Variants in CDH12 observed in about 807,000 individuals in gnomAD.
CDH12 encodes cadherin-12.
Under a neutral mutation model 74.1 loss-of-function variants are expected in CDH12, and 41 were observed. The observed-to-expected ratio is 0.55, with a 90% CI of 0.43 to 0.72. The LOEUF is 0.72. Among genes scored for constraint, CDH12 ranks in the 30% least tolerant of loss-of-function variants. The probability of loss-of-function intolerance (pLI) is 0.00; values close to 1 mark genes in which losing one functional copy is unlikely to be tolerated. For synonymous variants in CDH12, 399 were observed against 355.0 expected, an observed-to-expected ratio of 1.12 and a Z score of -1.39; for missense variants, 945 against 977.2, an observed-to-expected ratio of 0.97 and a Z score of 0.44.
At chr5:21,981,221 C>A (rs927777106) in intron 5 of CDH12, among the ~76,000 whole-genome samples, 1 of 152,098 alleles carries the variant, frequency 6.6e-6, no homozygotes, top group Non-Finnish European at 1.5e-5. Flanking sequence ...TAAAACACTA[C>A]GTGATATCTG....
chr5:22,316,727 TAAA>T (rs1738647631), intron 3 of CDH12, among the ~76,000 whole-genome samples: 1 of 152,054 alleles, frequency 6.6e-6, no homozygotes, highest in South Asian at 2.1e-4. Flanking sequence ...AACAAAATAA[TAAA>T]GAAGGATACA....
chr5:22,461,884 A>G (rs532383953), intron 2 of CDH12, among the ~76,000 whole-genome samples: 1 of 152,038 alleles, frequency 6.6e-6, no homozygotes, highest in South Asian at 2.1e-4. Context: ...AGAAAGAGTG[A>G]GGAAAAGGTA....
intron 4 of CDH12, among the ~76,000 whole-genome samples, chr5:22,153,889 A>ATATGTATAT (rs1561168560): frequency 0.023 from 946 of 41,978 alleles, 12 homozygotes; most frequent in East Asian, 0.042. Context: ...TATATATATA[A>ATATGTATAT]ATATATATAT....
intron 1 of CDH12, among the ~76,000 whole-genome samples, chr5:22,521,646 G>T (rs1476290004): frequency 6.6e-6 from 1 of 152,138 alleles, no homozygotes; most frequent in Non-Finnish European, 1.5e-5. Flanking sequence ...AGATAAGCCA[G>T]CTTTTCTGTA....
At chr5:21,943,418 T>A (rs945602255) in intron 6 of CDH12, among the ~76,000 whole-genome samples, 1 of 152,218 alleles carries the variant, frequency 6.6e-6, no homozygotes, top group African/African-American at 2.4e-5. Context: ...GGACTTTGTT[T>A]TTTTCCATGG....
intron 1 of CDH12, among the ~76,000 whole-genome samples, chr5:22,569,847 G>T (rs1357778766): frequency 1.3e-5 from 2 of 151,892 alleles, no homozygotes; most frequent in African/African-American, 4.8e-5. Context: ...CATCGAGAAG[G>T]GTTGGAATCA....
chr5:22,394,634 G>T (rs546588149), intron 3 of CDH12, among the ~76,000 whole-genome samples: 2 of 152,236 alleles, frequency 1.3e-5, no homozygotes, highest in South Asian at 4.1e-4. Context: ...TGTCTTGTTA[G>T]ATTTCAAACT....
At chr5:21,833,529 T>C (rs1749351280) in intron 8 of CDH12, among the ~76,000 whole-genome samples, 1 of 83,122 alleles carries the variant, frequency 1.2e-5, no homozygotes, top group South Asian at 3.7e-4. Flanking sequence ...TGATATGTCA[T>C]ATATTATATG....
At chr5:22,785,859 A>G (rs1359551059) in intron 1 of CDH12, among the ~76,000 whole-genome samples, 1 of 151,976 alleles carries the variant, frequency 6.6e-6, no homozygotes, top group Admixed American at 6.6e-5. Flanking sequence ...ACCCTTACAC[A>G]CTGTTTTAGG....
At chr5:22,786,908 C>T (rs1343711971) in intron 1 of CDH12, among the ~76,000 whole-genome samples, 5 of 151,746 alleles carry the variant, frequency 3.3e-5, no homozygotes, top group South Asian at 2.1e-4. Context: ...TTAATAGAAA[C>T]GGGGTTTCAC....
intron 3 of CDH12, among the ~76,000 whole-genome samples, chr5:22,285,434 T>C (rs953003693): frequency 3.3e-5 from 5 of 152,146 alleles, no homozygotes; most frequent in African/African-American, 1.2e-4. Flanking sequence ...AACTACATGG[T>C]TCTCTGTAAA....
At chr5:22,117,480 ATATATATAT>A (rs1745210570) in intron 4 of CDH12, among the ~76,000 whole-genome samples, 6 of 62,042 alleles carry the variant, frequency 9.7e-5, no homozygotes, top group South Asian at 8.7e-4. Context: ...TATATATATT[ATATATATAT>A]TATATATATA....
chr5:22,057,985 T>G (rs898669851), intron 5 of CDH12, among the ~76,000 whole-genome samples: 1 of 151,758 alleles, frequency 6.6e-6, no homozygotes, highest in African/African-American at 2.4e-5. Flanking sequence ...TTTCAAAGTT[T>G]AGTTTTCCTT....
chr5:22,118,196 A>G (rs1745284796), intron 4 of CDH12, among the ~76,000 whole-genome samples: 1 of 152,142 alleles, frequency 6.6e-6, no homozygotes, highest in African/African-American at 2.4e-5. Context: ...TTTTTACTCA[A>G]ATTCAGTCCT....
At chr5:22,049,245 C>T (rs1267629978) in intron 5 of CDH12, among the ~76,000 whole-genome samples, 1 of 152,024 alleles carries the variant, frequency 6.6e-6, no homozygotes, top group Non-Finnish European at 1.5e-5. Context: ...TTCTGATATC[C>T]AGAATTCAGC....
intron 2 of CDH12, among the ~76,000 whole-genome samples, chr5:22,406,047 T>A (rs1371122286): frequency 6.6e-6 from 1 of 152,188 alleles, no homozygotes; most frequent in Non-Finnish European, 1.5e-5. Flanking sequence ...AAAGCATATA[T>A]TCAGTCTATG....
intron 2 of CDH12, among the ~76,000 whole-genome samples, chr5:22,462,587 C>T (rs945335633): frequency 6.6e-6 from 1 of 152,102 alleles, no homozygotes; most frequent in Non-Finnish European, 1.5e-5. Context: ...AAATCAGATG[C>T]CACCCACACC....
chr5:22,417,963 T>G (rs142639753), intron 2 of CDH12, among the ~76,000 whole-genome samples: 53 of 152,330 alleles, frequency 3.5e-4, no homozygotes, highest in Admixed American at 1.3e-3. Context: ...TTTATTTGTG[T>G]ACCCTTTTTA....
intron 2 of CDH12, among the ~76,000 whole-genome samples, chr5:22,503,353 T>C (rs1366765040): frequency 2.0e-5 from 3 of 152,088 alleles, no homozygotes; most frequent in Non-Finnish European, 4.4e-5. Flanking sequence ...CTCCACAGCA[T>C]TACTCTATTA....
Sources: allele counts gnomAD v4.1 joint callset (sites outside exome capture counted in the v4.1 genomes callset), GRCh38; gene constraint gnomAD v4.1.1; transcripts MANE v1.5; gene names NCBI Gene and HGNC (gene_info 2026-07-23, HGNC 2026-07-21).